Variants in HEPHL1 observed in about 807,000 individuals in gnomAD.
HEPHL1 encodes hephaestin like 1, also known as ferroxidase HEPHL1.
In HEPHL1, 123 loss-of-function variants were observed where a neutral mutation model predicts 122.0. The observed-to-expected ratio is 1.01, with a 90% CI of 0.87 to 1.17. The LOEUF (loss-of-function observed/expected upper bound fraction) is 1.17, where lower values mean the gene tolerates loss of function less well. Among genes scored for constraint, HEPHL1 ranks in the 50% most tolerant of loss-of-function variants. The pLI is 0.00. For synonymous variants in HEPHL1, 527 were observed against 508.9 expected (o/e 1.04, Z -0.48); for missense variants, 1,452 against 1,430.5 (o/e 1.01, Z -0.24).
At chr11:94,072,770 T>C (rs1231149841) in intron 6 of HEPHL1, among the ~76,000 whole-genome samples, 1 of 152,142 alleles carries the variant, frequency 6.6e-6, no homozygotes, top group African/African-American at 2.4e-5. Context: ...AGGAGTTTAC[T>C]TGTGACTGGT....
chr11:94,100,147 T>A lies in HEPHL1; in HGVS notation c.2435-1048T>A, dbSNP rs139301910. ...CTGGAGCTGTTCCTATTCATCCATC[T>A]TGGAACTACCCCCTAAGAATATTTT... On this transcript the variant is annotated intron_variant, in intron 13 of 19. Transcript: ENST00000315765. 5.1e-4 allele frequency among the ~76,000 whole-genome samples: 77 copies of A among 152,316 alleles called. No homozygotes were observed. In the East Asian group the frequency reaches 8.3e-3, roughly 16 times the overall value.
chr11:94,055,797 T>C, intron 2 of HEPHL1: 1 of 419,164 alleles, frequency 2.4e-6, no homozygotes, highest in Non-Finnish European at 4.5e-6. Context: ...TCTGTACCCA[T>C]AGGATGAGAA....
At chr11:94,071,124 A>G (rs1297947539) in intron 6 of HEPHL1, among the ~76,000 whole-genome samples, 1 of 152,140 alleles carries the variant, frequency 6.6e-6, no homozygotes, top group Non-Finnish European at 1.5e-5. Flanking sequence ...CTCCCATAGA[A>G]TATACTATTT....
rs568213589 is a variant in HEPHL1 at position 94,113,404 on chromosome 11, G to A, written c.*1510G>A. On this transcript the variant is annotated 3_prime_UTR_variant, in exon 20 of 20. Transcript: ENST00000315765. ...ATCTTCATCTTCATGAGGGGAAATG[G>A]GTAATTGGATAGAAGCTATAGTCTT... 2.8e-4 allele frequency: 42 copies of A among 152,288 alleles called. 1 individual carries two copies. The highest frequency in any genetic ancestry group is 9.6e-4 in the African/African-American group (40 of 41,564). 9.4% of individuals were successfully genotyped at this position (152,288 alleles called of 1,614,324 possible).
rs537242264 is a variant in HEPHL1 at position 94,113,372 on chromosome 11, C to T, written c.*1478C>T. On this transcript the variant is annotated 3_prime_UTR_variant, in exon 20 of 20. Transcript: ENST00000315765. ...TATTCTGGTGGAGGGACCTTTCACACTGTCTCATCTTCATCTTCATGAGGG... is the reference window on the plus strand; with the variant it reads ...TATTCTGGTGGAGGGACCTTTCACATTGTCTCATCTTCATCTTCATGAGGG... 6.6e-6 allele frequency: 1 copy of T among 152,188 alleles called. No individual in the cohort carries two copies. Among genetic ancestry groups the T allele is most frequent in the Non-Finnish European group, 1.5e-5 (1 of 68,028 alleles). 9.4% of individuals were successfully genotyped at this position (152,188 alleles called of 1,614,324 possible). A position where few individuals can be genotyped will look rare whatever the true frequency, so the allele number is the denominator to read the frequency against.
chr11:94,067,410 C>A, intron 4 of HEPHL1, 86 bp from the exon 5 acceptor site: 3 of 1,344,958 alleles, frequency 2.2e-6, no homozygotes, highest in Non-Finnish European at 3.1e-6. Flanking sequence ...GGTTTTCCAG[C>A]CATGCTTAAG....
chr11:94,054,063 C>T (rs1945914375), intron 2 of HEPHL1, among the ~76,000 whole-genome samples: 2 of 152,146 alleles, frequency 1.3e-5, no homozygotes, highest in Admixed American at 1.3e-4. Flanking sequence ...AAATCTTCAA[C>T]AATTATTGTT....
Position 94,045,243 on chromosome 11 carries a change from T to C in HEPHL1, c.171-430T>C, listed in dbSNP as rs1945823778. On this transcript the variant is annotated intron_variant, in intron 1 of 19. Coordinates refer to ENST00000315765, the MANE Select transcript of HEPHL1 (RefSeq NM_001098672.2). ...TACGTTCCTAGAAATGTTGAGCCTG[T>C]ATCTGTTGTATCAATCATTCACTTG... 2.0e-5 allele frequency among the ~76,000 whole-genome samples: 3 copies of C among 152,256 alleles called. No individual in the cohort carries two copies. In the South Asian group the frequency reaches 6.2e-4, roughly 31 times the overall value.
At chr11:94,024,579 A>AT (rs1278377312) in intron 1 of HEPHL1, among the ~76,000 whole-genome samples, 2 of 151,948 alleles carry the variant, frequency 1.3e-5, no homozygotes, top group Non-Finnish European at 2.9e-5. Context: ...TTCTTTCTCC[A>AT]TTTTTTCCCC....
At chr11:94,039,955 C>T (rs1253177304) in intron 1 of HEPHL1, among the ~76,000 whole-genome samples, 1 of 94,678 alleles carries the variant, frequency 1.1e-5, no homozygotes, top group Non-Finnish European at 2.2e-5. Context: ...AAAGGATCAA[C>T]AAAATTGATA....
At position 94,063,593 on chromosome 11, in the gene HEPHL1, G is replaced by A. The variant is rs776511758; in HGVS notation, c.501G>A (p.Pro167=). 1.9e-5 allele frequency: 30 copies of A among 1,613,728 alleles called. No individual in the cohort carries two copies. The highest frequency in any genetic ancestry group is 2.7e-5 in the African/African-American group (2 of 74,994). The change falls in exon 3 of 20, where the codon CCG becomes CCA. Residue 167 remains proline (P), a synonymous_variant. Transcript: ENST00000315765. ...PPGKNYTYVW[P]VREEYAPTPA... is the part of the protein sequence containing the mutation. ...GGAAAAACTACACCTACGTCTGGCC[G>A]GTGAGAGAAGAATATGCACCTACTC...
intron 9 of HEPHL1, among the ~76,000 whole-genome samples, chr11:94,077,234 C>A (rs1946133448): frequency 6.6e-6 from 1 of 152,072 alleles, no homozygotes; most frequent in Admixed American, 6.6e-5. Flanking sequence ...ATCAAATCTA[C>A]ATACATTTTA....
intron 13 of HEPHL1, 113 bp downstream of exon 13, chr11:94,093,753 T>A: frequency 8.4e-7 from 1 of 1,195,186 alleles, no homozygotes; most frequent in Non-Finnish European, 1.2e-6. Flanking sequence ...CAGAGTAGCT[T>A]GACTGCATTC....
At chr11:94,067,950 A>G (rs991117084) in intron 5 of HEPHL1, among the ~76,000 whole-genome samples, 200 bp downstream of exon 5, 1 of 152,216 alleles carries the variant, frequency 6.6e-6, no homozygotes, top group African/African-American at 2.4e-5. Context: ...TTCTGTATGA[A>G]AAAAGTGGGG....
intron 13 of HEPHL1, among the ~76,000 whole-genome samples, chr11:94,100,547 G>T (rs1326281442): frequency 6.6e-6 from 1 of 152,202 alleles, no homozygotes; most frequent in Non-Finnish European, 1.5e-5. Context: ...CAAATATTGA[G>T]AAACAGAGTT....
At chr11:94,109,702 G>C (rs1946434172) in intron 17 of HEPHL1, among the ~76,000 whole-genome samples, 1 of 152,132 alleles carries the variant, frequency 6.6e-6, no homozygotes, top group Non-Finnish European at 1.5e-5. Flanking sequence ...ACTTGGTCAT[G>C]ATGTATTATT....
intron 2 of HEPHL1, chr11:94,055,519 G>A (rs773097423): frequency 1.7e-5 from 4 of 240,062 alleles, no homozygotes; most frequent in South Asian, 5.0e-5. Flanking sequence ...CCGTAAGGTC[G>A]TTGTTAACCG....
At chr11:94,070,700 G>T (rs1387718257) in intron 6 of HEPHL1, among the ~76,000 whole-genome samples, 158 bp downstream of exon 6, 1 of 152,140 alleles carries the variant, frequency 6.6e-6, no homozygotes. Context: ...TACTGCAAAA[G>T]CACTGCTGAG....
intron 1 of HEPHL1, among the ~76,000 whole-genome samples, chr11:94,045,414 A>G (rs1284800508): frequency 6.6e-6 from 1 of 152,212 alleles, no homozygotes; most frequent in Non-Finnish European, 1.5e-5. Flanking sequence ...GCAAATTTGT[A>G]GTGTGGCTTT....
Sources: allele counts gnomAD v4.1 joint callset (sites outside exome capture counted in the v4.1 genomes callset), GRCh38; gene constraint gnomAD v4.1.1; transcripts MANE v1.5; gene names NCBI Gene and HGNC (gene_info 2026-07-23, HGNC 2026-07-21).